Variants in ZNF91 observed in about 807,000 individuals in gnomAD.
The protein encoded by ZNF91 is zinc finger protein 91, also known as zinc finger protein 91 (HPF7, HTF10).
Under a neutral mutation model 12.6 loss-of-function variants are expected in ZNF91, and 7 were observed. That is an observed-to-expected ratio of 0.55 (90% CI 0.31 to 1.04). The LOEUF (loss-of-function observed/expected upper bound fraction) is 1.04, where lower values mean the gene tolerates loss of function less well. Ranked by LOEUF, ZNF91 falls within the 50% of genes least tolerant of loss-of-function variation. ZNF91 has a pLI of 0.05. For synonymous variants in ZNF91, 453 were observed against 462.6 expected, an observed-to-expected ratio of 0.98 and a Z score of 0.27; for missense variants, 1,217 against 1,385.4, an observed-to-expected ratio of 0.88 and a Z score of 1.93.
chr19:23,361,605 T>C lies in ZNF91; in HGVS notation c.1374A>G (p.Arg458=). The part of the protein sequence containing the change: ...SLTKHKRFHT[R]EKPFKCKECG... ...ATTCTTTACATTTGAAGGGTTTCTC[T>C]CTAGTATGAAATCTTTTATGTTTAG... The change falls in exon 4 of 4, where the codon AGA becomes AGG. Residue 458 remains arginine (R), a synonymous_variant. Coordinates refer to ENST00000300619, the MANE Select transcript of ZNF91 (RefSeq NM_003430.4). 1.2e-6 allele frequency: 2 copies of C among 1,613,846 alleles called. No homozygotes were observed. Among genetic ancestry groups the C allele is most frequent in the Non-Finnish European group, 1.7e-6 (2 of 1,179,870 alleles).
At chr19:23,372,093 C>T (rs1323039402) in intron 3 of ZNF91, among the ~76,000 whole-genome samples, 7 of 152,068 alleles carry the variant, frequency 4.6e-5, no homozygotes, top group Admixed American at 4.6e-4. Flanking sequence ...TGCCTGTATA[C>T]TAATTACCTA....
exon 3 of ZNF91, chr19:23,307,363 G>C (rs574957443): frequency 2.0e-5 from 3 of 152,292 alleles, no homozygotes; most frequent in Admixed American, 6.5e-5. Flanking sequence ...CGAATCCAGA[G>C]CTTAGGTGAT....
At chr19:23,355,498 T>C (rs530883391), downstream of ZNF91, among the ~76,000 whole-genome samples, 1 of 152,034 alleles carries the variant, frequency 6.6e-6, no homozygotes, top group Non-Finnish European at 1.5e-5. Context: ...CTATAAAAAT[T>C]CTGGAAGATA....
intron 3 of ZNF91, among the ~76,000 whole-genome samples, chr19:23,341,251 A>G (rs1055287154): frequency 1.3e-5 from 2 of 151,930 alleles, no homozygotes; most frequent in Non-Finnish European, 2.9e-5. Flanking sequence ...GGGTTTCACC[A>G]TATCGCTCAG....
intron 2 of ZNF91, chr19:23,307,814 T>A (rs1489680597): frequency 6.6e-6 from 1 of 152,236 alleles, no homozygotes; most frequent in East Asian, 1.9e-4. Context: ...ACCAAGGTGA[T>A]GTAACTCTCC....
chr19:23,315,520 C>T (rs1157116112), upstream of ZNF91, among the ~76,000 whole-genome samples: 1 of 152,198 alleles, frequency 6.6e-6, no homozygotes, highest in Non-Finnish European at 1.5e-5. Flanking sequence ...TTATTGTCCA[C>T]AAGGGCCACT....
chr19:23,373,355 T>C (rs1489953451), intron 3 of ZNF91, among the ~76,000 whole-genome samples: 1 of 46,646 alleles, frequency 2.1e-5, no homozygotes, highest in Non-Finnish European at 4.3e-5. Flanking sequence ...CTTATATATA[T>C]ATATATATAT....
chr19:23,344,127 T>C (rs1047837852), intron 3 of ZNF91, among the ~76,000 whole-genome samples: 5 of 152,028 alleles, frequency 3.3e-5, no homozygotes, highest in African/African-American at 7.2e-5. Context: ...TGGAGTCTCG[T>C]TCTGTCACCC....
At chr19:23,321,537 T>C (rs1161612386) in intron 1 of ZNF91, among the ~76,000 whole-genome samples, 3 of 152,122 alleles carry the variant, frequency 2.0e-5, no homozygotes, top group Non-Finnish European at 4.4e-5. Flanking sequence ...CTAGCTCATG[T>C]GACACTTCTC....
intron 1 of ZNF91, among the ~76,000 whole-genome samples, chr19:23,377,424 T>C (rs1183159127): frequency 1.3e-5 from 2 of 152,228 alleles, no homozygotes. Flanking sequence ...ACCTAAGCAT[T>C]GCCACTCAAG....
intron 1 of ZNF91, among the ~76,000 whole-genome samples, chr19:23,393,186 A>C (rs1338838111): frequency 6.6e-6 from 1 of 151,910 alleles, no homozygotes; most frequent in African/African-American, 2.4e-5. Context: ...TCTCCTCAAT[A>C]CTAGTATCTG....
At chr19:23,367,165 G>C (rs1183974011) in intron 3 of ZNF91, among the ~76,000 whole-genome samples, 2 of 152,140 alleles carry the variant, frequency 1.3e-5, no homozygotes. Context: ...ATGGTACTTT[G>C]TTTGTAGTCC....
chr19:23,305,262 G>A (rs958265734), intron 3 of ZNF91: 1 of 151,996 alleles, frequency 6.6e-6, no homozygotes, highest in Admixed American at 6.6e-5. Flanking sequence ...GTCCATTTAT[G>A]AGTATGTCTT....
At chr19:23,350,690 G>A (rs1968340300) in intron 3 of ZNF91, among the ~76,000 whole-genome samples, 1 of 152,038 alleles carries the variant, frequency 6.6e-6, no homozygotes, top group Non-Finnish European at 1.5e-5. Flanking sequence ...AAGGTGCAAG[G>A]CCACTTGTCC....
chr19:23,307,921 G>A (rs554235500), intron 2 of ZNF91: 3 of 152,362 alleles, frequency 2.0e-5, no homozygotes, highest in African/African-American at 7.2e-5. Context: ...TGTATACACT[G>A]TATATTGTGA....
chr19:23,337,071 G>A (rs1968024976), downstream of ZNF91, among the ~76,000 whole-genome samples: 1 of 151,954 alleles, frequency 6.6e-6, no homozygotes, highest in African/African-American at 2.4e-5. Flanking sequence ...GGGCTTTTAT[G>A]GTATCCATCA....
At chr19:23,328,476 C>G (rs1253970451) in intron 1 of ZNF91, 1 of 152,076 alleles carries the variant, frequency 6.6e-6, no homozygotes, top group Non-Finnish European at 1.5e-5. Context: ...AGTACAGTGT[C>G]TGGAAGAAGA....
intron 1 of ZNF91, among the ~76,000 whole-genome samples, chr19:23,386,185 T>G (rs1350102808): frequency 6.6e-6 from 1 of 152,094 alleles, no homozygotes; most frequent in African/African-American, 2.4e-5. Flanking sequence ...GAAAACAACT[T>G]TATGCTCATA....
chr19:23,321,321 A>C (rs992238767), intron 1 of ZNF91, among the ~76,000 whole-genome samples: 7 of 152,102 alleles, frequency 4.6e-5, no homozygotes, highest in Admixed American at 4.6e-4. Context: ...ACTTGCACTC[A>C]GGTGACGTAA....
Sources: gnomAD v4.1 joint callset for allele counts (sites outside exome capture counted in the v4.1 genomes callset) on GRCh38, gnomAD v4.1.1 for gene constraint, MANE v1.5 for transcripts, NCBI Gene and HGNC (gene_info 2026-07-23, HGNC 2026-07-21) for gene names.